DZIP1: variants seen among roughly 807,000 people sequenced by gnomAD.
The protein encoded by DZIP1 is DAZ interacting zinc finger protein 1.
In DZIP1, 97 loss-of-function variants were observed where a neutral mutation model predicts 107.6. That is an observed-to-expected ratio of 0.90 (90% CI 0.77 to 1.07). DZIP1 has a LOEUF of 1.07. Among genes scored for constraint, DZIP1 ranks in the 50% least tolerant of loss-of-function variants. The probability of loss-of-function intolerance (pLI) is 0.00; values close to 1 mark genes in which losing one functional copy is unlikely to be tolerated. For synonymous variants in DZIP1, 390 were observed against 386.4 expected (o/e 1.01, Z -0.11); for missense variants, 1,035 against 1,063.6 (o/e 0.97, Z 0.37).
chr13:95,601,544 C>T (rs1286773223), intron 14 of DZIP1, among the ~76,000 whole-genome samples: 1 of 152,166 alleles, frequency 6.6e-6, no homozygotes, highest in Non-Finnish European at 1.5e-5. Flanking sequence ...TCGTGCCTAC[C>T]TTAGAAGCCA....
Position 95,633,231 on chromosome 13 carries a change from C to T in DZIP1, c.685+3G>A, listed in dbSNP as rs754462176. On this transcript the variant is annotated splice_donor_region_variant and intron_variant, in intron 6 of 22. Coordinates refer to ENST00000376829, the MANE Select transcript of DZIP1 (RefSeq NM_198968.4). Reference sequence around the variant, plus strand: ...GAGCTTTCAAACAGAACTCATTACTCACCAAAATGAGAATTTTCTTCAGTG... The same window carrying T: ...GAGCTTTCAAACAGAACTCATTACTTACCAAAATGAGAATTTTCTTCAGTG... 9.9e-6 allele frequency: 16 copies of T among 1,613,498 alleles called. No homozygotes were observed. The highest frequency in any genetic ancestry group is 1.4e-5 in the Non-Finnish European group (16 of 1,179,538).
intron 9 of DZIP1, among the ~76,000 whole-genome samples, chr13:95,621,969 TAC>T (rs1875925156): frequency 6.6e-6 from 1 of 152,098 alleles, no homozygotes; most frequent in African/African-American, 2.4e-5. Context: ...CTACTAAAAA[TAC>T]AGTTAGCAGT....
At chr13:95,621,927 A>T (rs1052296520) in intron 9 of DZIP1, among the ~76,000 whole-genome samples, 1 of 151,956 alleles carries the variant, frequency 6.6e-6, no homozygotes, top group East Asian at 1.9e-4. Context: ...GGAGTTCAAG[A>T]TCAGCCTGGC....
At position 95,599,352 on chromosome 13, in the gene DZIP1, A is replaced by C; in HGVS notation, c.1537+13T>G. On this transcript the variant is annotated intron_variant, in intron 15 of 22. Transcript: ENST00000376829. Reference sequence around the variant, plus strand: ...TAATCTGTGCAGGTAAACCTGATCAAGCCCTTTGTTACCTTTTTCTTCCTC... The same window carrying C: ...TAATCTGTGCAGGTAAACCTGATCACGCCCTTTGTTACCTTTTTCTTCCTC... 1 of 1,611,976 alleles carries C rather than the reference A, an allele frequency of 6.2e-7. No individual in the cohort carries two copies. Among genetic ancestry groups the C allele is most frequent in the Non-Finnish European group, 8.5e-7 (1 of 1,178,118 alleles).
At chr13:95,598,436 T>C (rs1008703572) in intron 15 of DZIP1, among the ~76,000 whole-genome samples, 1 of 152,164 alleles carries the variant, frequency 6.6e-6, no homozygotes. Context: ...ATAGGTATTA[T>C]GAATATGCCT....
chr13:95,610,209 A>G (rs2044951125), intron 12 of DZIP1, among the ~76,000 whole-genome samples: 1 of 152,028 alleles, frequency 6.6e-6, no homozygotes, highest in Non-Finnish European at 1.5e-5. Context: ...TAGGTTGTGC[A>G]TATTCCCATT....
chr13:95,584,829 G>T lies in DZIP1; in HGVS notation c.2431C>A (p.Gln811Lys). The T allele has an allele frequency of 2.5e-6, 4 of 1,614,064 alleles. No individual in the cohort carries two copies. The highest frequency in any genetic ancestry group is 3.4e-6 in the Non-Finnish European group (4 of 1,179,992). The change falls in exon 22 of 23, where the codon CAG becomes AAG. Residue 811 changes from glutamine to lysine, a missense_variant. Gln to Lys is a moderately conservative substitution (Grantham distance 53, BLOSUM62 1). Coordinates refer to ENST00000376829, the MANE Select transcript of DZIP1 (RefSeq NM_198968.4). ...TTTTTCGCAGGTGGAGGTTCCTTCT[G>T]TTCTTTCCCAGATTTTTTTCCCAAA... Reference protein sequence around the residue: ...ISLGKKSGKEQKEPPPAKNEP... With the variant: ...ISLGKKSGKEKKEPPPAKNEP...
rs2043985190 is a variant in DZIP1, at chr13:95,579,506, T to C, written c.*2728A>G. ...GCTTAAATAATTTGCCACAGTAATG[T>C]CGAAACTAGGCCTTTGAACCAAGGC... On this transcript the variant is annotated 3_prime_UTR_variant, in exon 23 of 23. Coordinates refer to ENST00000376829, the MANE Select transcript of DZIP1 (RefSeq NM_198968.4). The C allele has an allele frequency of 6.6e-6, 1 of 152,192 alleles. No individual in the cohort carries two copies. The highest frequency in any genetic ancestry group is 2.4e-5 in the African/African-American group (1 of 41,444). 9.4% of individuals were successfully genotyped at this position (152,192 alleles called of 1,614,324 possible).
intron 13 of DZIP1, among the ~76,000 whole-genome samples, chr13:95,607,642 G>C (rs2044824572): frequency 6.6e-6 from 1 of 151,868 alleles, no homozygotes; most frequent in Non-Finnish European, 1.5e-5. Flanking sequence ...AGCCTGTGAA[G>C]CCTAATGTAA....
chr13:95,594,019 G>A lies in DZIP1; in HGVS notation c.1605C>T (p.Ser535=). 2 of 1,611,254 alleles carry A rather than the reference G, an allele frequency of 1.2e-6. No homozygotes were observed. Among genetic ancestry groups the A allele is most frequent in the Non-Finnish European group, 1.7e-6 (2 of 1,178,582 alleles). Residue 535 remains serine (S), a synonymous_variant, in exon 16 of 23, where the codon TCC becomes TCT. Coordinates refer to ENST00000376829, the MANE Select transcript of DZIP1 (RefSeq NM_198968.4). The part of the protein sequence containing the change: ...MHLRKALKSN[S]SLTKGLRTMV... ...TTGTTCTTAGTCCCTTAGTGAGGGAGGAGTTACTCTTCAAAGCTTTCCTTA... is the reference window on the plus strand; with the variant it reads ...TTGTTCTTAGTCCCTTAGTGAGGGAAGAGTTACTCTTCAAAGCTTTCCTTA...
chr13:95,621,039 A>T (rs1242375306), intron 9 of DZIP1, among the ~76,000 whole-genome samples: 3 of 152,242 alleles, frequency 2.0e-5, no homozygotes, highest in Non-Finnish European at 4.4e-5. Context: ...ACAGCCATGG[A>T]GAATCCACAT....
chr13:95,598,497 T>C (rs962276415), intron 15 of DZIP1, among the ~76,000 whole-genome samples: 24 of 152,072 alleles, frequency 1.6e-4, no homozygotes, highest in African/African-American at 5.8e-4. Flanking sequence ...AATAAAATGG[T>C]AAATGTCTAG....
rs1473465215 is a variant in DZIP1 at position 95,578,964 on chromosome 13, T to A, written c.*3270A>T. 1 of 152,230 alleles carries A rather than the reference T, an allele frequency of 6.6e-6. No individual in the cohort carries two copies. The highest frequency in any genetic ancestry group is 1.5e-5 in the Non-Finnish European group (1 of 68,050). 9.4% of individuals were successfully genotyped at this position (152,230 alleles called of 1,614,324 possible). ...GAATGCAGAGCCCTGAGCTAGGGCA[T>A]CAGCAGAAGCTGAGATAGAGATATT... On this transcript the variant is annotated 3_prime_UTR_variant, in exon 23 of 23. Coordinates refer to ENST00000376829, the MANE Select transcript of DZIP1 (RefSeq NM_198968.4).
intron 13 of DZIP1, among the ~76,000 whole-genome samples, chr13:95,608,910 T>G (rs2044881025): frequency 6.6e-6 from 1 of 152,228 alleles, no homozygotes; most frequent in Non-Finnish European, 1.5e-5. Flanking sequence ...CCTTCCTGAA[T>G]GGAAGCAAAA....
At chr13:95,640,197 T>C (rs1878334048) in intron 5 of DZIP1, among the ~76,000 whole-genome samples, 1 of 152,080 alleles carries the variant, frequency 6.6e-6, no homozygotes, top group Admixed American at 6.5e-5. Flanking sequence ...TTCACCATGT[T>C]AGCCAGGATG....
intron 7 of DZIP1, among the ~76,000 whole-genome samples, chr13:95,627,040 A>G (rs1462469873): frequency 1.3e-5 from 2 of 152,256 alleles, no homozygotes; most frequent in African/African-American, 4.8e-5. Context: ...GTAAGAGGCC[A>G]CAAATAACCA....
intron 19 of DZIP1, 71 bp downstream of exon 19, chr13:95,589,083 A>G (rs1001812647): frequency 1.7e-5 from 21 of 1,243,468 alleles, no homozygotes; most frequent in Admixed American, 7.8e-5. Context: ...TGAGCACGCT[A>G]CTTTAAAATG....
At chr13:95,628,416 A>T (rs1192308805) in intron 7 of DZIP1, among the ~76,000 whole-genome samples, 2 of 152,148 alleles carry the variant, frequency 1.3e-5, no homozygotes, top group Non-Finnish European at 2.9e-5. Flanking sequence ...GGTTACCAGG[A>T]GATGAGGGTA....
At chr13:95,623,656 A>C (rs571432763) in intron 8 of DZIP1, among the ~76,000 whole-genome samples, 1 of 152,344 alleles carries the variant, frequency 6.6e-6, no homozygotes, top group African/African-American at 2.4e-5. Context: ...AAATTTAAAA[A>C]CTGGCTGGGC....
Sources: allele counts gnomAD v4.1 joint callset (sites outside exome capture counted in the v4.1 genomes callset), GRCh38; gene constraint gnomAD v4.1.1; transcripts MANE v1.5; gene names NCBI Gene and HGNC (gene_info 2026-07-23, HGNC 2026-07-21).